The following TUBGCP5 variants were observed in gnomAD, a reference collection of about 807,000 sequenced individuals.
TUBGCP5 encodes gamma-tubulin complex component 5.
TUBGCP5 carries 98 observed loss-of-function variants against 134.7 expected under a neutral mutation model. The observed-to-expected ratio is 0.73, with a 90% confidence interval of 0.62 to 0.86. TUBGCP5 has a LOEUF of 0.86. Ranked by LOEUF, TUBGCP5 falls within the 40% of genes least tolerant of loss-of-function variation. The probability of loss-of-function intolerance (pLI) is 0.00; values close to 1 mark genes in which losing one functional copy is unlikely to be tolerated. For missense variants in TUBGCP5, 1,150 were observed against 1,244.8 expected (o/e 0.92, Z 1.15); for synonymous variants, 456 against 431.4 (o/e 1.06, Z -0.71).
rs905028445 is a variant in TUBGCP5 at position 22,999,437 on chromosome 15, G to C, written c.*383C>G. On this transcript the variant is annotated 3_prime_UTR_variant, in exon 23 of 23. Transcript: ENST00000615383. Reference sequence around the variant, plus strand: ...TCTTTCTGAGTCAGGGTCTCACTCTGTCACCCAGGTTGCACTGCAGTAGTG... The same window carrying C: ...TCTTTCTGAGTCAGGGTCTCACTCTCTCACCCAGGTTGCACTGCAGTAGTG... The C allele has an allele frequency of 1.2e-5, 3 of 242,834 alleles. No individual in the cohort carries two copies. Among genetic ancestry groups the C allele is most frequent in the Non-Finnish European group, 2.5e-5 (3 of 121,182 alleles). The allele number at this position is 242,834 out of a possible 1,614,324, so 15.0% of individuals were successfully genotyped here. A position where few individuals can be genotyped will look rare whatever the true frequency, so the allele number is the denominator to read the frequency against.
chr15:23,020,885 TG>T (rs1159247700), intron 11 of TUBGCP5, among the ~76,000 whole-genome samples: 2 of 152,130 alleles, frequency 1.3e-5, no homozygotes, highest in African/African-American at 4.8e-5. Flanking sequence ...ACCATAGGCA[TG>T]TGCCTCCAGA....
chr15:23,026,425 G>A (rs1321224112), intron 7 of TUBGCP5, among the ~76,000 whole-genome samples: 1 of 152,104 alleles, frequency 6.6e-6, no homozygotes, highest in East Asian at 1.9e-4. Context: ...GCTGATTTAG[G>A]CAAATGTTTA....
intron 6 of TUBGCP5, among the ~76,000 whole-genome samples, chr15:23,027,920 GACCTTCCCAACCACTAC>G (rs1555444005): frequency 6.6e-6 from 1 of 151,926 alleles, no homozygotes; most frequent in Non-Finnish European, 1.5e-5. Context: ...GGTAACTGAA[GACCTTCCCAACCACTAC>G]GGAAGTCTCA....
intron 10 of TUBGCP5, chr15:23,023,681 G>A (rs2065835051): frequency 6.1e-6 from 2 of 329,692 alleles, no homozygotes; most frequent in Non-Finnish European, 1.1e-5. Flanking sequence ...CAAGGACCTG[G>A]CTGTCTCTGG....
chr15:23,002,928 C>T, intron 21 of TUBGCP5, 137 bp downstream of exon 21: 1 of 658,884 alleles, frequency 1.5e-6, no homozygotes, highest in Non-Finnish European at 2.5e-6. Flanking sequence ...GTTGCCCAGG[C>T]TAGTCTTGAA....
At chr15:22,987,895 C>CAA (rs869168765) in intron 23 of TUBGCP5, among the ~76,000 whole-genome samples, 678 of 20,430 alleles carry the variant, frequency 0.033, 68 homozygotes, top group East Asian at 0.08. Flanking sequence ...GACTCCATCT[C>CAA]AAAAAAAAAA....
intron 6 of TUBGCP5, among the ~76,000 whole-genome samples, chr15:23,030,601 T>TA (rs10632423): frequency 0.017 from 2,046 of 119,524 alleles, 45 homozygotes; most frequent in African/African-American, 0.051. Context: ...CTTCTCCAAT[T>TA]AAAAAAAAAA....
chr15:23,027,077 A>G, intron 7 of TUBGCP5, 115 bp downstream of exon 7: 1 of 849,036 alleles, frequency 1.2e-6, no homozygotes, highest in Admixed American at 2.7e-5. Flanking sequence ...AAGAATTGTC[A>G]AAACAAAAAC....
intron 10 of TUBGCP5, chr15:23,023,707 G>C (rs1332458731): frequency 1.1e-5 from 4 of 368,088 alleles, no homozygotes; most frequent in African/African-American, 2.1e-5. Context: ...AGAACTGACT[G>C]GCTGGGGTAC....
In TUBGCP5 at chr15:23,017,855, C is replaced by G. The variant is rs749933236; in HGVS notation, c.1674G>C (p.Gln558His). 1 of 1,614,112 alleles carries G rather than the reference C, an allele frequency of 6.2e-7. No homozygotes were observed. Among genetic ancestry groups the G allele is most frequent in the Non-Finnish European group, 8.5e-7 (1 of 1,179,972 alleles). The change falls in exon 13 of 23, where the codon CAG (glutamine) becomes CAC (histidine). Residue 558 changes from glutamine to histidine, a missense_variant. This residue lies in a region of TUBGCP5 where 697 missense variants were observed against 850.1 expected (regional missense o/e 0.82). Coordinates refer to ENST00000615383, the MANE Select transcript of TUBGCP5 (RefSeq NM_052903.6). ...GCATCGACTTGCCAGCCATTATGATCTGCTTCAGGACAGGTTTGAGGAAGG... is the reference window on the plus strand; with the variant it reads ...GCATCGACTTGCCAGCCATTATGATGTGCTTCAGGACAGGTTTGAGGAAGG... ...MVSFLKPVLK[Q>H]IIMAGKSMQL...
intron 23 of TUBGCP5, among the ~76,000 whole-genome samples, chr15:22,988,841 A>G (rs1022359752): frequency 7.2e-5 from 11 of 151,770 alleles, no homozygotes; most frequent in African/African-American, 2.4e-4. Context: ...ATCTCAGCTC[A>G]CTGCAACCTC....
intron 13 of TUBGCP5, among the ~76,000 whole-genome samples, chr15:23,016,764 C>T (rs1195658117): frequency 6.6e-6 from 1 of 151,648 alleles, no homozygotes; most frequent in Non-Finnish European, 1.5e-5. Flanking sequence ...CCATGGAGAA[C>T]AGTTTGGCGG....
At chr15:23,004,491 T>A (rs1595826635) in intron 19 of TUBGCP5, 1 of 412,038 alleles carries the variant, frequency 2.4e-6, no homozygotes, top group East Asian at 5.0e-5. Context: ...CTAACAGACT[T>A]CCTGGCAGGA....
At chr15:23,003,930 G>A (rs2064548242) in intron 20 of TUBGCP5, among the ~76,000 whole-genome samples, 172 bp downstream of exon 20, 1 of 152,160 alleles carries the variant, frequency 6.6e-6, no homozygotes, top group Non-Finnish European at 1.5e-5. Flanking sequence ...TGGGATTACA[G>A]GCATGAGCCA....
chr15:23,014,682 A>G, intron 13 of TUBGCP5, among the ~76,000 whole-genome samples: 1 of 152,302 alleles, frequency 6.6e-6, no homozygotes, highest in South Asian at 2.1e-4. Context: ...GCAGGCAGAC[A>G]TGCACCCAGG....
chr15:23,014,911 G>C (rs543059324), intron 13 of TUBGCP5, among the ~76,000 whole-genome samples: 3 of 152,146 alleles, frequency 2.0e-5, no homozygotes, highest in African/African-American at 4.8e-5. Context: ...TTGCTGGCAG[G>C]CAAATAAACC....
intron 18 of TUBGCP5, 109 bp downstream of exon 18, chr15:23,005,943 C>CTTTT (rs1346761848): frequency 2.5e-6 from 2 of 803,382 alleles, no homozygotes; most frequent in African/African-American, 3.5e-5. Context: ...CAACCACCAA[C>CTTTT]TTTTTTTTTT....
chr15:23,039,532 G>C lies in TUBGCP5; in HGVS notation c.12C>G (p.His4Gln), dbSNP rs771740075. 3.4e-6 allele frequency: 5 copies of C among 1,476,938 alleles called. No individual in the cohort carries two copies. Among genetic ancestry groups the C allele is most frequent in the East Asian group, 2.8e-5 (1 of 35,724 alleles). 91.5% of individuals were successfully genotyped at this position (1,476,938 alleles called of 1,614,324 possible). MAR[H>Q]GPPWSRLDAQ... is the part of the protein sequence containing the mutation. The stretch of plus-strand genomic sequence containing the variant: ...CGTCCAACCGACTCCACGGTGGCCC[G>C]TGCCGCGCCATGTTCCGCGCTCCTG... Residue 4 changes from histidine to glutamine, a missense_variant, in exon 1 of 23, where the codon CAC becomes CAG. By Grantham distance (24) the His-to-Gln change is conservative (BLOSUM62 0). Coordinates refer to ENST00000615383, the MANE Select transcript of TUBGCP5 (RefSeq NM_052903.6).
intron 23 of TUBGCP5, among the ~76,000 whole-genome samples, chr15:22,989,428 A>G (rs1000602520): frequency 6.6e-6 from 1 of 151,928 alleles, no homozygotes; most frequent in Non-Finnish European, 1.5e-5. Context: ...AACAGCTGGG[A>G]CAGCCTCACT....
Sources: gnomAD v4.1 joint callset for allele counts (sites outside exome capture counted in the v4.1 genomes callset) on GRCh38, gnomAD v4.1.1 for gene constraint, gnomAD v4.1.1 regional missense constraint, MANE v1.5 for transcripts, NCBI Gene and HGNC (gene_info 2026-07-23, HGNC 2026-07-21) for gene names.